Variants in MNDA observed in about 807,000 individuals in gnomAD.
MNDA encodes the protein myeloid cell nuclear differentiation antigen, also known as epididymis secretory sperm binding protein.
MNDA carries 43 observed loss-of-function variants against 37.8 expected under a neutral mutation model. The ratio of observed to expected loss-of-function variants is 1.14; its 90% CI spans 0.89 to 1.47. The LOEUF (loss-of-function observed/expected upper bound fraction) is 1.47. MNDA is among the 40% of genes most tolerant of loss of function. MNDA has a pLI of 0.00. For missense variants in MNDA, 536 were observed against 476.0 expected (o/e 1.13, Z -1.17); for synonymous variants, 181 against 169.0 (o/e 1.07, Z -0.55).
At chr1:158,848,798 T>C (rs1263167903) in intron 6 of MNDA, among the ~76,000 whole-genome samples, 5 of 152,196 alleles carry the variant, frequency 3.3e-5, no homozygotes, top group African/African-American at 2.4e-5. Context: ...GAGCTTACTG[T>C]TGGAAATTCA....
At chr1:158,839,786 C>T (rs1244592870) in intron 1 of MNDA, among the ~76,000 whole-genome samples, 1 of 152,140 alleles carries the variant, frequency 6.6e-6, no homozygotes, top group Non-Finnish European at 1.5e-5. Context: ...TCCTTTGTTG[C>T]AACCAATTCT....
chr1:158,845,928 T>C lies in MNDA; in HGVS notation c.912T>C (p.Asn304=). The C allele has an allele frequency of 6.2e-7, 1 of 1,614,068 alleles. No individual in the cohort carries two copies. Residue 304 remains asparagine, a synonymous_variant, in exon 5 of 7, where the codon AAT becomes AAC. Coordinates refer to ENST00000368141, the MANE Select transcript of MNDA (RefSeq NM_002432.3). ...EVPNRIIEIA[N]KTPKISQLYK... ...CAAACAGAATTATCGAAATAGCAAA[T>C]AAAACTCCCAAGATCAGTCAACTTT...
At chr1:158,847,595 G>C (rs958101807) in intron 5 of MNDA, 133 bp from the exon 6 acceptor site, 14 of 716,688 alleles carry the variant, frequency 2.0e-5, no homozygotes, top group Non-Finnish European at 2.5e-5. Context: ...TGAGATGGCA[G>C]GCCAAGCCAC....
chr1:158,843,496 A>G, intron 3 of MNDA, 81 bp downstream of exon 3: 1 of 1,299,718 alleles, frequency 7.7e-7, no homozygotes, highest in Middle Eastern at 1.9e-4. Context: ...CTAATATCTC[A>G]ACACAGCTTA....
intron 1 of MNDA, 81 bp from the exon 2 acceptor site, chr1:158,842,053 C>T: frequency 7.8e-7 from 1 of 1,274,086 alleles, no homozygotes; most frequent in Non-Finnish European, 1.1e-6. Flanking sequence ...TGGCCTGGGA[C>T]ACTCACTCAC....
chr1:158,844,198 C>A, intron 4 of MNDA, 76 bp downstream of exon 4: 1 of 1,282,800 alleles, frequency 7.8e-7, no homozygotes, highest in Non-Finnish European at 1.1e-6. Flanking sequence ...TATTGTTACT[C>A]TCATGCATAA....
At chr1:158,837,207 G>T (rs146548549) in intron 1 of MNDA, among the ~76,000 whole-genome samples, 1 of 151,906 alleles carries the variant, frequency 6.6e-6, no homozygotes, top group African/African-American at 2.4e-5. Context: ...ATATCTGTTA[G>T]ATATAATTGG....
chr1:158,838,278 A>G (rs1360452998), intron 1 of MNDA, among the ~76,000 whole-genome samples: 1 of 152,062 alleles, frequency 6.6e-6, no homozygotes, highest in African/African-American at 2.4e-5. Flanking sequence ...ATATAGTGGT[A>G]ATGAAATCCT....
At chr1:158,843,213 C>T in intron 2 of MNDA, 66 bp from the exon 3 acceptor site, 1 of 1,518,930 alleles carries the variant, frequency 6.6e-7, no homozygotes, top group Non-Finnish European at 8.8e-7. Context: ...TTGAAACTGC[C>T]TCAGCTGTCT....
intron 6 of MNDA, among the ~76,000 whole-genome samples, chr1:158,848,433 G>A (rs1659184248): frequency 6.6e-6 from 1 of 151,904 alleles, no homozygotes; most frequent in Non-Finnish European, 1.5e-5. Context: ...CAAAGGAAAT[G>A]ATACATGAAA....
At position 158,842,806 on chromosome 1, in the gene MNDA, C is replaced by T. The variant is rs541148603; in HGVS notation, c.265+388C>T. On this transcript the variant is annotated intron_variant, in intron 2 of 6. Transcript: ENST00000368141. ...TTAAGAGACGTGTAGAATTTTTCCA[C>T]TTAATAAATCACTGTTCTTTTTTTA... The T allele has an allele frequency of 4.5e-5, 8 of 175,832 alleles. No individual in the cohort carries two copies. The South Asian group carries it at 1.2e-3, about 27-fold the overall frequency. 10.9% of individuals were successfully genotyped at this position (175,832 alleles called of 1,614,324 possible). A position where few individuals can be genotyped will look rare whatever the true frequency, so the allele number is the denominator to read the frequency against.
At chr1:158,847,283 C>T (rs1659152738) in intron 5 of MNDA, among the ~76,000 whole-genome samples, 1 of 151,988 alleles carries the variant, frequency 6.6e-6, no homozygotes, top group Non-Finnish European at 1.5e-5. Context: ...TAACCCAAAA[C>T]CATTTGTACC....
chr1:158,847,964 T>C (rs1160636536), intron 6 of MNDA, 48 bp downstream of exon 6: 1 of 1,570,650 alleles, frequency 6.4e-7, no homozygotes, highest in Admixed American at 1.8e-5. Flanking sequence ...GGCAAATAAT[T>C]TTGCTTAGGC....
At chr1:158,845,405 T>C (rs1225346856) in intron 4 of MNDA, among the ~76,000 whole-genome samples, 182 bp from the exon 5 acceptor site, 1 of 151,176 alleles carries the variant, frequency 6.6e-6, no homozygotes, top group Non-Finnish European at 1.5e-5. Flanking sequence ...GCCCGGCTAG[T>C]TTTTTTTGTA....
chr1:158,839,607 T>C (rs1285632010), intron 1 of MNDA, among the ~76,000 whole-genome samples: 1 of 152,186 alleles, frequency 6.6e-6, no homozygotes, highest in Non-Finnish European at 1.5e-5. Context: ...GCTATAATGT[T>C]GCAAAGCAGT....
At chr1:158,842,891 G>A (rs72702936) in intron 2 of MNDA, among the ~76,000 whole-genome samples, 1,669 of 152,018 alleles carry the variant, frequency 0.011, 19 homozygotes, top group Middle Eastern at 0.02. Flanking sequence ...TTCCTTTCAG[G>A]TCATATTTCT....
chr1:158,842,555 A>C (rs2102049861), intron 2 of MNDA, 137 bp downstream of exon 2: 1 of 829,026 alleles, frequency 1.2e-6, no homozygotes, highest in Non-Finnish European at 1.9e-6. Flanking sequence ...GGCACCTCAG[A>C]GACTGACCAG....
intron 1 of MNDA, among the ~76,000 whole-genome samples, chr1:158,837,903 G>A (rs1658951291): frequency 6.6e-6 from 1 of 150,822 alleles, no homozygotes; most frequent in Admixed American, 6.6e-5. Flanking sequence ...GTCATCATCA[G>A]GTTGCATATG....
intron 5 of MNDA, among the ~76,000 whole-genome samples, chr1:158,847,146 A>G (rs1242366678): frequency 6.6e-6 from 1 of 152,188 alleles, no homozygotes; most frequent in Non-Finnish European, 1.5e-5. Flanking sequence ...ATAAACTTTC[A>G]AGACTCAGAA....
Sources: gnomAD v4.1 joint callset for allele counts (sites outside exome capture counted in the v4.1 genomes callset) on GRCh38, gnomAD v4.1.1 for gene constraint, MANE v1.5 for transcripts, NCBI Gene and HGNC (gene_info 2026-07-23, HGNC 2026-07-21) for gene names.